Variants in DAB1 observed in about 807,000 individuals in gnomAD.
DAB1 encodes disabled homolog 1.
Under a neutral mutation model 64.6 loss-of-function variants are expected in DAB1, and 15 were observed. The observed-to-expected ratio is 0.23, with a 90% confidence interval of 0.16 to 0.36. The LOEUF (loss-of-function observed/expected upper bound fraction) is 0.36, where lower values mean the gene tolerates loss of function less well. Ranked by LOEUF, DAB1 falls within the 10% of genes least tolerant of loss-of-function variation. DAB1 has a pLI of 1.00. For missense variants in DAB1, 596 were observed against 706.7 expected (o/e 0.84, Z 1.78); for synonymous variants, 235 against 251.9 (o/e 0.93, Z 0.64).
chr1:58,334,922 C>G (rs571226676), intron 4 of DAB1, among the ~76,000 whole-genome samples: 2 of 152,046 alleles, frequency 1.3e-5, no homozygotes, highest in Admixed American at 6.6e-5. Flanking sequence ...TATGCACTAG[C>G]ACTTCTGGGG....
At chr1:58,358,236 C>G (rs1644130005) in intron 3 of DAB1, among the ~76,000 whole-genome samples, 1 of 152,168 alleles carries the variant, frequency 6.6e-6, no homozygotes, top group South Asian at 2.1e-4. Flanking sequence ...GGGATGAGAA[C>G]AGTCGGGGAG....
intron 7 of DAB1, 186 bp downstream of exon 7, chr1:57,070,837 G>A: frequency 1.6e-6 from 1 of 639,046 alleles, no homozygotes; most frequent in Admixed American, 2.6e-5. Flanking sequence ...ACCGATGCCG[G>A]CCAAACTTCT....
intron 7 of DAB1, among the ~76,000 whole-genome samples, chr1:57,628,292 G>A (rs946316668): frequency 1.1e-4 from 16 of 152,326 alleles, no homozygotes; most frequent in African/African-American, 3.4e-4. Context: ...CTGCACAAGT[G>A]TTAGCAATTA....
At chr1:57,250,606 C>G (rs1669261691) in intron 2 of DAB1, among the ~76,000 whole-genome samples, 1 of 152,102 alleles carries the variant, frequency 6.6e-6, no homozygotes, top group African/African-American at 2.4e-5. Flanking sequence ...CAAATCTTTC[C>G]AAAATTTTTA....
At chr1:57,223,197 T>A (rs12568979) in intron 2 of DAB1, among the ~76,000 whole-genome samples, 1 of 152,192 alleles carries the variant, frequency 6.6e-6, no homozygotes, top group Non-Finnish European at 1.5e-5. Context: ...ATGATCAATG[T>A]GGTCATTTGT....
intron 5 of DAB1, among the ~76,000 whole-genome samples, chr1:58,011,217 G>A (rs1203805832): frequency 6.6e-6 from 1 of 152,174 alleles, no homozygotes; most frequent in East Asian, 1.9e-4. Context: ...TAAAAGGAAT[G>A]AGGAAAATAG....
chr1:57,773,746 T>C (rs1214671030), intron 6 of DAB1, among the ~76,000 whole-genome samples: 1 of 151,996 alleles, frequency 6.6e-6, no homozygotes, highest in African/African-American at 2.4e-5. Flanking sequence ...TCCACCACTA[T>C]TTGGTAAAAA....
chr1:57,875,901 G>T (rs1231696512), intron 1 of DAB1, among the ~76,000 whole-genome samples: 1 of 152,078 alleles, frequency 6.6e-6, no homozygotes, highest in Non-Finnish European at 1.5e-5. Context: ...ATAGACAAAA[G>T]GACATTTCTG....
intron 5 of DAB1, among the ~76,000 whole-genome samples, chr1:58,068,782 CAA>C (rs35725704): frequency 7.5e-6 from 1 of 133,280 alleles, no homozygotes. Context: ...AAAAAAAAAC[CAA>C]AAAAAAAAAA....
intron 7 of DAB1, among the ~76,000 whole-genome samples, chr1:57,568,077 G>C (rs1282583545): frequency 1.3e-5 from 2 of 152,080 alleles, no homozygotes; most frequent in Admixed American, 6.6e-5. Context: ...CCAAAACAGA[G>C]ATATAGACCA....
At chr1:57,774,722 A>T (rs995858943) in intron 6 of DAB1, among the ~76,000 whole-genome samples, 7 of 151,762 alleles carry the variant, frequency 4.6e-5, no homozygotes, top group African/African-American at 1.4e-4. Context: ...TAATTTTCAA[A>T]TTATCAACCA....
intron 7 of DAB1, among the ~76,000 whole-genome samples, chr1:57,479,139 G>C (rs1558419088): frequency 6.6e-6 from 1 of 151,982 alleles, no homozygotes; most frequent in Admixed American, 6.6e-5. Flanking sequence ...ACTTTGGAAA[G>C]ACTTGATAAA....
At chr1:57,046,511 T>C (rs573649667) in intron 9 of DAB1, among the ~76,000 whole-genome samples, 2 of 152,320 alleles carry the variant, frequency 1.3e-5, no homozygotes, top group African/African-American at 2.4e-5. Flanking sequence ...CTCAACATGA[T>C]GATTTATCCA....
chr1:57,415,425 G>A (rs1684423535), intron 1 of DAB1, among the ~76,000 whole-genome samples: 1 of 152,106 alleles, frequency 6.6e-6, no homozygotes, highest in African/African-American at 2.4e-5. Context: ...GACATAAAAA[G>A]TGCTAACCAT....
rs114848248 is a variant in DAB1, at chr1:58,088,602, C to T, written n.387+61909G>A. ...AAAAATAAGTATGATTCTAGAATTA[C>T]ACTCTACTAGGTATGAAGGGAAATC... On this transcript the variant is annotated intron_variant and non_coding_transcript_variant, in intron 5 of 20. Transcript: ENST00000485760. 8.3e-3 allele frequency among the ~76,000 whole-genome samples: 1,257 copies of T among 152,256 alleles called. 21 individuals are homozygous for T. Among genetic ancestry groups the T allele is most frequent in the African/African-American group, 0.026 (1,093 of 41,554 alleles).
chr1:57,759,857 C>T (rs1239147354), intron 6 of DAB1, among the ~76,000 whole-genome samples: 4 of 151,930 alleles, frequency 2.6e-5, no homozygotes, highest in Non-Finnish European at 2.9e-5. Context: ...ATTGTGCAGG[C>T]AGGTAACAAT....
At chr1:57,252,046 G>A (rs1336380682) in intron 2 of DAB1, among the ~76,000 whole-genome samples, 3 of 152,216 alleles carry the variant, frequency 2.0e-5, no homozygotes, top group Non-Finnish European at 2.9e-5. Flanking sequence ...ATAAGTCACA[G>A]CTATTGTTAC....
rs142193168 is a variant in DAB1, at chr1:57,392,112, G to A, written c.-137+31818C>T. Among the ~76,000 whole-genome samples the A allele has an allele frequency of 5.0e-3, 763 of 152,210 alleles. 10 individuals are homozygous for A. The highest frequency in any genetic ancestry group is 0.017 in the African/African-American group (727 of 41,544). ...GTAATGGCCAGGCACAGTGGCTCAC[G>A]GCTATAATCCCAGCACTTTGGGAGG... On this transcript the variant is annotated intron_variant, in intron 1 of 14. Coordinates refer to ENST00000371236, the MANE Select transcript of DAB1 (RefSeq NM_001365792.1).
At chr1:57,741,582 A>T (rs1327443421) in intron 6 of DAB1, among the ~76,000 whole-genome samples, 7 of 152,224 alleles carry the variant, frequency 4.6e-5, no homozygotes, top group Non-Finnish European at 8.8e-5. Context: ...CATTTACTGA[A>T]TAATGCTCAG....
Sources: allele counts gnomAD v4.1 joint callset (sites outside exome capture counted in the v4.1 genomes callset), GRCh38; gene constraint gnomAD v4.1.1; transcripts MANE v1.5; gene names NCBI Gene and HGNC (gene_info 2026-07-23, HGNC 2026-07-21).